The following FMN2 variants were observed in gnomAD, a reference collection of about 807,000 sequenced individuals.
FMN2 encodes formin-2.
A neutral mutation model predicts 142.3 loss-of-function variants in FMN2; 51 were observed. That is an observed-to-expected ratio of 0.36 (90% CI 0.29 to 0.45). The LOEUF is 0.45. Among genes scored for constraint, FMN2 ranks in the 20% least tolerant of loss-of-function variants. FMN2 has a pLI of 1.00. For synonymous variants in FMN2, 882 were observed against 869.8 expected (o/e 1.01, Z -0.25); for missense variants, 1,936 against 2,122.8 (o/e 0.91, Z 1.73).
intron 1 of FMN2, among the ~76,000 whole-genome samples, chr1:240,116,886 C>T (rs904783761): frequency 8.6e-5 from 13 of 151,986 alleles, no homozygotes; most frequent in African/African-American, 2.9e-4. Flanking sequence ...TAGTTAATTC[C>T]GGTTAGTAGT....
chr1:240,132,431 G>C (rs1662777284), intron 2 of FMN2, among the ~76,000 whole-genome samples: 1 of 152,178 alleles, frequency 6.6e-6, no homozygotes, highest in Non-Finnish European at 1.5e-5. Context: ...TGTGGCCAGA[G>C]GGAAGGATAT....
intron 7 of FMN2, among the ~76,000 whole-genome samples, chr1:240,282,703 G>A (rs1334109737): frequency 6.6e-6 from 1 of 152,204 alleles, no homozygotes; most frequent in Non-Finnish European, 1.5e-5. Context: ...TCTTAGTGGT[G>A]AGATGCAGAA....
chr1:240,255,725 G>A (rs1166245442), intron 6 of FMN2, among the ~76,000 whole-genome samples: 1 of 152,048 alleles, frequency 6.6e-6, no homozygotes, highest in Non-Finnish European at 1.5e-5. Flanking sequence ...GTGGTGTTGG[G>A]GTGGAACTGA....
At chr1:240,262,809 A>G (rs1050443392) in intron 7 of FMN2, among the ~76,000 whole-genome samples, 2 of 140,806 alleles carry the variant, frequency 1.4e-5, no homozygotes, top group Non-Finnish European at 3.0e-5. Flanking sequence ...TCATCCAGGC[A>G]TAGTTCAGTG....
chr1:240,207,056 C>T lies in FMN2; in HGVS notation c.2244C>T (p.Pro748=). The change falls in exon 5 of 18, where the codon CCC becomes CCT. Residue 748 remains proline (P), a synonymous_variant. Transcript: ENST00000319653. The stretch of plus-strand genomic sequence containing the variant: ...AGGCGAAATCGATACAGACTTCCCC[C>T]ACGGAAGAGGGCGGGGTGCTGACAC... ...ILEAKSIQTS[P]TEEGGVLTLP... is the part of the protein sequence containing the mutation. 1.2e-6 allele frequency: 2 copies of T among 1,614,118 alleles called. No individual in the cohort carries two copies. The highest frequency in any genetic ancestry group is 1.7e-6 in the Non-Finnish European group (2 of 1,179,994).
chr1:240,274,709 C>T (rs1322842624), intron 7 of FMN2, among the ~76,000 whole-genome samples: 3 of 151,988 alleles, frequency 2.0e-5, no homozygotes, highest in Non-Finnish European at 2.9e-5. Flanking sequence ...GAGATGCTGG[C>T]GGCCAGGACC....
chr1:240,130,982 A>G (rs753268283), intron 2 of FMN2, among the ~76,000 whole-genome samples: 3 of 152,168 alleles, frequency 2.0e-5, no homozygotes, highest in African/African-American at 4.8e-5. Context: ...TTCTATCCTG[A>G]ACTGGCTTAC....
In FMN2 at chr1:240,207,364, A is replaced by G. The variant is rs1666404052; in HGVS notation, c.2552A>G (p.Asn851Ser). The change falls in exon 5 of 18, where the codon AAC becomes AGC. Residue 851 changes from asparagine (N) to serine (S), a missense_variant. Physicochemically the swap from Asn to Ser is conservative, Grantham distance 46 (BLOSUM62 1). Transcript: ENST00000319653. ...CACTCTGTTTCCTCTGCCTTTAAAAACAGCTGTAACATCCCATCTCCACCA... is the reference window on the plus strand; with the variant it reads ...CACTCTGTTTCCTCTGCCTTTAAAAGCAGCTGTAACATCCCATCTCCACCA... ...HEHSVSSAFK[N>S]SCNIPSPPPL... The G allele has an allele frequency of 6.2e-7, 1 of 1,613,610 alleles. No individual in the cohort carries two copies. The highest frequency in any genetic ancestry group is 8.5e-7 in the Non-Finnish European group (1 of 1,179,774).
rs764730152 is a variant in FMN2, at chr1:240,091,910, A to G, written c.-200A>G. ...AGCCGCAGCCGCAGCGACGGCAGCC[A>G]CGGGAGCCGCCGCGCATTATGCAAA... On this transcript the variant is annotated 5_prime_UTR_variant, in exon 1 of 18. Transcript: ENST00000319653. The G allele has an allele frequency of 9.9e-6, 9 of 905,088 alleles. No individual in the cohort carries two copies. The South Asian group carries it at 1.6e-4, about 17-fold the overall frequency. The allele number at this position is 905,088 out of a possible 1,614,324, so 56.1% of individuals were successfully genotyped here.
intron 13 of FMN2, among the ~76,000 whole-genome samples, chr1:240,355,185 A>G (rs925602221): frequency 1.3e-5 from 2 of 148,904 alleles, no homozygotes; most frequent in South Asian, 2.1e-4. Context: ...TTCCTCAGCT[A>G]TAAAAGGAGG....
At chr1:240,141,070 T>G (rs1218823501) in intron 2 of FMN2, among the ~76,000 whole-genome samples, 1 of 152,210 alleles carries the variant, frequency 6.6e-6, no homozygotes, top group Admixed American at 6.5e-5. Context: ...GAGTCTAACT[T>G]TCCTCATACT....
rs67103790 is a variant in FMN2, at chr1:240,281,752, T to TGC, written c.4154-13070_4154-13069insGC. On this transcript the variant is annotated intron_variant, in intron 7 of 17. Coordinates refer to ENST00000319653, the MANE Select transcript of FMN2 (RefSeq NM_020066.5). ...GGAAGGACAAATGACACAATATCAC[T>TGC]CATTTTTTGGTAATATCTCTAAGGT... Among the ~76,000 whole-genome samples the TGC allele has an allele frequency of 8.9e-4, 22 of 24,818 alleles. No individual in the cohort carries two copies. The Admixed American group carries it at 0.011, about 12-fold the overall frequency. 16.3% of individuals were successfully genotyped at this position (24,818 alleles called of 152,430 possible).
chr1:240,115,112 T>C (rs1661971882), intron 1 of FMN2, among the ~76,000 whole-genome samples: 1 of 152,224 alleles, frequency 6.6e-6, no homozygotes, highest in African/African-American at 2.4e-5. Context: ...CCTAGCATTC[T>C]TCAGTGATAG....
At chr1:240,320,951 A>G (rs1287997769) in intron 8 of FMN2, among the ~76,000 whole-genome samples, 3 of 152,178 alleles carry the variant, frequency 2.0e-5, no homozygotes, top group Admixed American at 1.3e-4. Flanking sequence ...CTTCACCACT[A>G]TGCTCTCACA....
chr1:240,227,430 T>A (rs1279643232), intron 6 of FMN2, among the ~76,000 whole-genome samples: 3 of 74,076 alleles, frequency 4.0e-5, no homozygotes. Flanking sequence ...CCAAACTCAT[T>A]TTTTTTTAGC....
At chr1:240,213,398 G>C (rs1016439433) in intron 6 of FMN2, among the ~76,000 whole-genome samples, 1 of 152,138 alleles carries the variant, frequency 6.6e-6, no homozygotes, top group Non-Finnish European at 1.5e-5. Context: ...TCTGTTTTTG[G>C]AGGGACAAAA....
intron 8 of FMN2, among the ~76,000 whole-genome samples, chr1:240,298,553 C>A (rs1332625135): frequency 6.6e-6 from 1 of 152,184 alleles, no homozygotes; most frequent in Admixed American, 6.5e-5. Flanking sequence ...AGGTGAGCCA[C>A]TGGTGAGCAA....
At chr1:240,274,682 A>G (rs1285340021) in intron 7 of FMN2, among the ~76,000 whole-genome samples, 1 of 152,128 alleles carries the variant, frequency 6.6e-6, no homozygotes, top group Non-Finnish European at 1.5e-5. Context: ...TGAGGAGACT[A>G]TCACAGCAAC....
intron 2 of FMN2, among the ~76,000 whole-genome samples, chr1:240,125,924 T>A (rs927102901): frequency 9.9e-5 from 15 of 152,206 alleles, no homozygotes; most frequent in Admixed American, 5.9e-4. Flanking sequence ...GGAATTTCTT[T>A]CCTTCAACTT....
Sources: gnomAD v4.1 joint callset for allele counts (sites outside exome capture counted in the v4.1 genomes callset) on GRCh38, gnomAD v4.1.1 for gene constraint, MANE v1.5 for transcripts, NCBI Gene and HGNC (gene_info 2026-07-23, HGNC 2026-07-21) for gene names.